MYO1B: variants seen among roughly 807,000 people sequenced by gnomAD.
MYO1B encodes the protein myosin IB.
In MYO1B, 72 loss-of-function variants were observed where a neutral mutation model predicts 159.7. That is an observed-to-expected ratio of 0.45 (90% CI 0.37 to 0.55). The LOEUF is 0.55. Among genes scored for constraint, MYO1B ranks in the 20% least tolerant of loss-of-function variants. The probability of loss-of-function intolerance (pLI) is 0.00; values close to 1 mark genes in which losing one functional copy is unlikely to be tolerated. For missense variants in MYO1B, 1,062 were observed against 1,364.8 expected (o/e 0.78, Z 3.50); for synonymous variants, 468 against 473.8 (o/e 0.99, Z 0.16).
chr2:191,303,538 G>A (rs1004293598), intron 3 of MYO1B, among the ~76,000 whole-genome samples: 8 of 152,270 alleles, frequency 5.3e-5, no homozygotes, highest in Admixed American at 5.2e-4. Flanking sequence ...CTTACCCTGT[G>A]CCAGGCAGTC....
chr2:191,251,037 G>C (rs1686080443), intron 1 of MYO1B, among the ~76,000 whole-genome samples: 1 of 152,156 alleles, frequency 6.6e-6, no homozygotes, highest in African/African-American at 2.4e-5. Flanking sequence ...TAGGAGAATT[G>C]GTTGAACTGC....
At chr2:191,409,214 T>C in intron 26 of MYO1B, 36 bp downstream of exon 26, 1 of 1,587,040 alleles carries the variant, frequency 6.3e-7, no homozygotes, top group Non-Finnish European at 8.5e-7. Context: ...TCGGAGACTT[T>C]CTTATTTATT....
At chr2:191,376,763 T>C (rs2126058545) in intron 13 of MYO1B, among the ~76,000 whole-genome samples, 1 of 152,336 alleles carries the variant, frequency 6.6e-6, no homozygotes, top group African/African-American at 2.4e-5. Flanking sequence ...CATTTCTCTG[T>C]CCCAAATACA....
chr2:191,361,656 C>A (rs1445317116), intron 8 of MYO1B, among the ~76,000 whole-genome samples: 2 of 151,224 alleles, frequency 1.3e-5, no homozygotes, highest in African/African-American at 4.9e-5. Context: ...CATATATTAG[C>A]AAAAGTTATT....
chr2:191,246,203 G>C (rs1459752058), intron 1 of MYO1B: 1 of 152,204 alleles, frequency 6.6e-6, no homozygotes, highest in African/African-American at 2.4e-5. Flanking sequence ...CCTGGGTCTC[G>C]TTTCCTGCCC....
In MYO1B at chr2:191,350,216, A is replaced by T. The variant is rs1451328081; in HGVS notation, c.553A>T (p.Ile185Leu). The change falls in exon 7 of 31, where the codon ATA (isoleucine) becomes TTA (leucine). Residue 185 changes from isoleucine to leucine, a missense_variant. By Grantham distance (5) the Ile-to-Leu change is conservative. Around this residue, in one of 5 missense-constraint regions of MYO1B, gnomAD observed 415 missense variants for 544.0 expected, o/e 0.76. Coordinates refer to ENST00000392318, the MANE Select transcript of MYO1B (RefSeq NM_001130158.3). Reference sequence around the variant, plus strand: ...TAAAGGCGATCCACTAGGAGGAGTAATAAGTAACTGTGAGTATTTTTCTTC... The same window carrying T: ...TAAAGGCGATCCACTAGGAGGAGTATTAAGTAACTGTGAGTATTTTTCTTC... ...DFKGDPLGGV[I>L]SNYLLEKSRV... 1.2e-6 allele frequency: 2 copies of T among 1,611,764 alleles called. No homozygotes were observed. Among genetic ancestry groups the T allele is most frequent in the Admixed American group, 3.3e-5 (2 of 59,976 alleles).
At chr2:191,362,154 C>T (rs1693709918) in intron 8 of MYO1B, 114 bp from the exon 9 acceptor site, 1 of 710,510 alleles carries the variant, frequency 1.4e-6, no homozygotes, top group South Asian at 2.0e-5. Context: ...TCTTTTGATT[C>T]AATACTTAAT....
At position 191,387,081 on chromosome 2, in the gene MYO1B, A is replaced by T. The variant is rs544694473; in HGVS notation, c.1555-143A>T. The stretch of plus-strand genomic sequence containing the variant: ...ATTTAAACTTGGAGGCGAACTCATT[A>T]TGAGAGTGTGACTAACATGTCAGGG... On this transcript the variant is annotated intron_variant, in intron 16 of 30. Transcript: ENST00000392318. The T allele has an allele frequency of 1.4e-5, 10 of 736,142 alleles. No individual in the cohort carries two copies. In the African/African-American group the frequency reaches 1.8e-4, roughly 13 times the overall value. The allele number at this position is 736,142 out of a possible 1,614,324, so 45.6% of individuals were successfully genotyped here.
intron 27 of MYO1B, among the ~76,000 whole-genome samples, 153 bp downstream of exon 27, chr2:191,411,325 T>G (rs568365772): frequency 3.3e-5 from 5 of 152,328 alleles, no homozygotes; most frequent in South Asian, 2.1e-4. Context: ...GTAAACACAT[T>G]TATTTGAGCT....
intron 13 of MYO1B, among the ~76,000 whole-genome samples, chr2:191,375,407 A>C (rs1019425155): frequency 1.3e-5 from 2 of 152,040 alleles, no homozygotes; most frequent in African/African-American, 4.8e-5. Flanking sequence ...TTATAATTGA[A>C]GAGGAAGGAA....
intron 24 of MYO1B, among the ~76,000 whole-genome samples, chr2:191,405,727 G>A (rs1387382726): frequency 6.6e-6 from 1 of 152,208 alleles, no homozygotes; most frequent in Admixed American, 6.5e-5. Context: ...GTCTCAATAT[G>A]GGGCTTAAGA....
At chr2:191,360,211 A>T (rs1693574290) in intron 7 of MYO1B, among the ~76,000 whole-genome samples, 2 of 152,228 alleles carry the variant, frequency 1.3e-5, no homozygotes, top group African/African-American at 2.4e-5. Flanking sequence ...TACCATCTGT[A>T]AAACACTAAG....
Position 191,329,928 on chromosome 2 carries a change from C to G in MYO1B, c.252-7C>G, listed in dbSNP as rs372663897. 1 of 1,606,618 alleles carries G rather than the reference C, an allele frequency of 6.2e-7. No individual in the cohort carries two copies. On this transcript the variant is annotated splice_polypyrimidine_tract_variant and splice_region_variant and intron_variant, in intron 3 of 30. Transcript: ENST00000392318. ...TCTAAGGAATTTTTTTCCATTATCCCCTGCAGCTTTGCCCTTTCGGATGAA... is the reference window on the plus strand; with the variant it reads ...TCTAAGGAATTTTTTTCCATTATCCGCTGCAGCTTTGCCCTTTCGGATGAA...
intron 13 of MYO1B, among the ~76,000 whole-genome samples, chr2:191,372,962 C>T (rs1694466642): frequency 7.9e-6 from 1 of 126,160 alleles, no homozygotes; most frequent in Non-Finnish European, 1.6e-5. Context: ...TCTCGGCTCA[C>T]TACAACCTCT....
At chr2:191,415,166 G>A (rs1036292493) in intron 29 of MYO1B, among the ~76,000 whole-genome samples, 3 of 152,148 alleles carry the variant, frequency 2.0e-5, no homozygotes, top group African/African-American at 7.2e-5. Context: ...TTTAATTTGT[G>A]TGTGCCTACC....
At chr2:191,364,775 G>T (rs569536800) in intron 11 of MYO1B, among the ~76,000 whole-genome samples, 41 of 152,380 alleles carry the variant, frequency 2.7e-4, no homozygotes, top group African/African-American at 9.6e-4. Flanking sequence ...GAACCAGGTA[G>T]TCGCAGTGGA....
intron 3 of MYO1B, among the ~76,000 whole-genome samples, chr2:191,301,863 AC>A (rs1689354268): frequency 2.6e-5 from 4 of 152,178 alleles, no homozygotes; most frequent in African/African-American, 9.7e-5. Flanking sequence ...GCAGTTTATC[AC>A]CAACAGATGG....
rs1232203542 is a variant in MYO1B, at chr2:191,402,671, C to T, written c.2509C>T (p.Arg837Cys). ...GAAACGCTTGAAGGAGGAGGCTAGGCGTAAGCATGCAGTTGCTGTCATTTG... is the reference window on the plus strand; with the variant it reads ...GAAACGCTTGAAGGAGGAGGCTAGGTGTAAGCATGCAGTTGCTGTCATTTG... The part of the protein sequence containing the change: ...ELKRLKEEAR[R>C]KHAVAVIWAY... Residue 837 changes from arginine (R) to cysteine (C), a missense_variant, in exon 24 of 31, where the codon CGT becomes TGT. By Grantham distance (180) the Arg-to-Cys change is radical. Around this residue, in one of 5 missense-constraint regions of MYO1B, gnomAD observed 609 missense variants for 744.4 expected, o/e 0.82. Coordinates refer to ENST00000392318, the MANE Select transcript of MYO1B (RefSeq NM_001130158.3). 4 of 1,613,632 alleles carry T rather than the reference C, an allele frequency of 2.5e-6. No individual in the cohort carries two copies. The highest frequency in any genetic ancestry group is 2.2e-5 in the East Asian group (1 of 44,870).
chr2:191,320,138 C>T (rs1690607639), intron 3 of MYO1B, among the ~76,000 whole-genome samples: 1 of 152,130 alleles, frequency 6.6e-6, no homozygotes, highest in Non-Finnish European at 1.5e-5. Context: ...GTATTCCTCT[C>T]ATGCTTTGGG....
Sources: gnomAD v4.1 joint callset for allele counts (sites outside exome capture counted in the v4.1 genomes callset) on GRCh38, gnomAD v4.1.1 for gene constraint, gnomAD v4.1.1 regional missense constraint, MANE v1.5 for transcripts, NCBI Gene and HGNC (gene_info 2026-07-23, HGNC 2026-07-21) for gene names.